The following APP variants were observed in gnomAD, a reference collection of about 807,000 sequenced individuals.
APP encodes amyloid-beta precursor protein.
In APP, 31 loss-of-function variants were observed where a neutral mutation model predicts 101.4. The observed-to-expected ratio is 0.31, with a 90% confidence interval of 0.23 to 0.41. The LOEUF is 0.41. Ranked by LOEUF, APP falls within the 10% of genes least tolerant of loss-of-function variation. APP has a pLI of 1.00. For synonymous variants in APP, 366 were observed against 364.4 expected (o/e 1.00, Z -0.05); for missense variants, 839 against 1,003.7 (o/e 0.84, Z 2.22).
At chr21:26,133,542 T>C (rs972540019) in intron 1 of APP, among the ~76,000 whole-genome samples, 7 of 152,050 alleles carry the variant, frequency 4.6e-5, no homozygotes, top group African/African-American at 1.4e-4. Context: ...TCCCAGCACT[T>C]TGGGAGGCCG....
chr21:25,976,107 GT>G lies in APP; in HGVS notation c.1225-80del, dbSNP rs1432026873. Reference sequence around the variant, plus strand: ...CAGACTTAATAGGATGGATGATTATGTTTTTCCTCTATTTTTGTCATTTTAG... The same window carrying G: ...CAGACTTAATAGGATGGATGATTATGTTTTCCTCTATTTTTGTCATTTTAG... On this transcript the variant is annotated intron_variant, in intron 9 of 17. Coordinates refer to ENST00000346798, the MANE Select transcript of APP (RefSeq NM_000484.4). 5.0e-6 allele frequency: 6 copies of G among 1,209,632 alleles called. No individual in the cohort carries two copies. In the Admixed American group the frequency reaches 1.0e-4, roughly 21 times the overall value. 74.9% of individuals were successfully genotyped at this position (1,209,632 alleles called of 1,614,324 possible).
rs565341413 is a variant in APP at position 25,976,701 on chromosome 21, T to C, written c.1225-673A>G. Among the ~76,000 whole-genome samples the C allele has an allele frequency of 7.9e-5, 12 of 152,342 alleles. No homozygotes were observed. In the East Asian group the frequency reaches 2.1e-3, roughly 27 times the overall value. ...CTGAATGCAGCAAACATGTATTTTT[T>C]TACAAGTAGCACTAATTTAGTAACC... On this transcript the variant is annotated intron_variant, in intron 9 of 17. Coordinates refer to ENST00000346798, the MANE Select transcript of APP (RefSeq NM_000484.4).
intron 3 of APP, among the ~76,000 whole-genome samples, chr21:26,079,267 C>T (rs192821328): frequency 6.6e-6 from 1 of 152,128 alleles, no homozygotes; most frequent in Non-Finnish European, 1.5e-5. Context: ...TCTTTGATTC[C>T]TCATCATAAC....
chr21:25,896,709 G>A (rs1016917384), intron 16 of APP, among the ~76,000 whole-genome samples: 2 of 152,112 alleles, frequency 1.3e-5, no homozygotes, highest in African/African-American at 4.8e-5. Flanking sequence ...TAACATTAGG[G>A]GGGAAAAGTG....
chr21:25,881,905 C>T, intron 17 of APP, 134 bp from the exon 18 acceptor site: 2 of 910,088 alleles, frequency 2.2e-6, no homozygotes, highest in South Asian at 1.4e-5. Flanking sequence ...AATTTTCTCC[C>T]CCACTTTGAC....
intron 1 of APP, among the ~76,000 whole-genome samples, chr21:26,122,888 A>G (rs1292661349): frequency 6.6e-6 from 1 of 152,172 alleles, no homozygotes; most frequent in Non-Finnish European, 1.5e-5. Flanking sequence ...TGAAACAGGA[A>G]TTCGGATATT....
intron 1 of APP, among the ~76,000 whole-genome samples, chr21:26,117,926 T>C (rs1294713316): frequency 6.6e-6 from 1 of 152,238 alleles, no homozygotes; most frequent in East Asian, 1.9e-4. Flanking sequence ...ATTTCACTCC[T>C]GGAAACCTGA....
At position 25,999,873 on chromosome 21, in the gene APP, C is replaced by G. The variant is rs2043212641; in HGVS notation, c.1033+142G>C. ...TTGAACATACTGCGGAGACTCTGAGCAATTAGAGAAGTGGACAGAAATGTG... is the reference window on the plus strand; with the variant it reads ...TTGAACATACTGCGGAGACTCTGAGGAATTAGAGAAGTGGACAGAAATGTG... On this transcript the variant is annotated intron_variant, in intron 7 of 17. Transcript: ENST00000346798. 3 of 952,528 alleles carry G rather than the reference C, an allele frequency of 3.1e-6. No individual in the cohort carries two copies. In the South Asian group the frequency reaches 4.2e-5, roughly 13 times the overall value. The allele number at this position is 952,528 out of a possible 1,614,324, so 59.0% of individuals were successfully genotyped here.
At chr21:26,053,405 G>A (rs1306028306) in intron 3 of APP, 57 bp from the exon 4 acceptor site, 74 of 1,230,766 alleles carry the variant, frequency 6.0e-5, no homozygotes, top group Non-Finnish European at 8.1e-5. Context: ...TGTTCTTACC[G>A]CAGAAGACAT....
chr21:25,921,538 G>C (rs2146355097), intron 13 of APP, among the ~76,000 whole-genome samples: 2 of 148,176 alleles, frequency 1.3e-5, no homozygotes, highest in East Asian at 4.0e-4. Flanking sequence ...AAATGATAAA[G>C]GGGATATCAC....
intron 13 of APP, among the ~76,000 whole-genome samples, chr21:25,917,937 A>G (rs1025777244): frequency 6.6e-6 from 1 of 151,900 alleles, no homozygotes; most frequent in African/African-American, 2.4e-5. Context: ...AAAAAAGCTC[A>G]TCATCACTGG....
chr21:25,891,848 C>T lies in APP; in HGVS notation c.2085G>A (p.Val695=). 1.9e-6 allele frequency: 3 copies of T among 1,613,900 alleles called. No individual in the cohort carries two copies. The highest frequency in any genetic ancestry group is 2.5e-6 in the Non-Finnish European group (3 of 1,179,968). Residue 695 remains valine, a synonymous_variant, in exon 17 of 18, where the codon GTG becomes GTA. Coordinates refer to ENST00000346798, the MANE Select transcript of APP (RefSeq NM_000484.4). The part of the protein sequence containing the change: ...HQKLVFFAED[V]GSNKGAIIGL... ...CAATGATTGCACCTTTGTTTGAACC[C>T]ACATCTTCTGCAAAGAACACCTTGA...
At chr21:26,102,086 T>G (rs1462257091) in intron 2 of APP, among the ~76,000 whole-genome samples, 1 of 69,688 alleles carries the variant, frequency 1.4e-5, no homozygotes, top group African/African-American at 6.3e-5. Flanking sequence ...TATGTGGTTT[T>G]TTTTTTTTTT....
intron 17 of APP, among the ~76,000 whole-genome samples, chr21:25,886,419 A>C (rs1203184396): frequency 6.6e-6 from 1 of 151,430 alleles, no homozygotes; most frequent in African/African-American, 2.4e-5. Context: ...TTTTTAAGAC[A>C]GTCTTGCTCT....
chr21:25,936,537 C>G (rs539331085), intron 13 of APP, among the ~76,000 whole-genome samples: 10 of 152,312 alleles, frequency 6.6e-5, no homozygotes, highest in African/African-American at 2.2e-4. Context: ...GAGCGAAACT[C>G]TGTCTCAACA....
chr21:26,148,248 G>C (rs983561670), intron 1 of APP, among the ~76,000 whole-genome samples: 2 of 152,212 alleles, frequency 1.3e-5, no homozygotes, highest in African/African-American at 4.8e-5. Context: ...ATTTTTCAAA[G>C]CTAGCAGGCA....
At chr21:26,134,089 C>T (rs190174848) in intron 1 of APP, among the ~76,000 whole-genome samples, 1 of 152,172 alleles carries the variant, frequency 6.6e-6, no homozygotes, top group Non-Finnish European at 1.5e-5. Context: ...TGGACTCAAG[C>T]GATCTTCCCA....
intron 3 of APP, among the ~76,000 whole-genome samples, chr21:26,062,232 C>CAA (rs964898769): frequency 1.5e-4 from 13 of 87,984 alleles, no homozygotes; most frequent in African/African-American, 7.6e-4. Flanking sequence ...AACAAACAAA[C>CAA]ACACACACAC....
intron 3 of APP, among the ~76,000 whole-genome samples, chr21:26,076,957 A>G (rs2061508147): frequency 1.3e-5 from 2 of 151,934 alleles, no homozygotes; most frequent in South Asian, 4.2e-4. Flanking sequence ...CAGCTACTCA[A>G]GAGGCTGAGA....
Sources: allele counts gnomAD v4.1 joint callset (sites outside exome capture counted in the v4.1 genomes callset), GRCh38; gene constraint gnomAD v4.1.1; transcripts MANE v1.5; gene names NCBI Gene and HGNC (gene_info 2026-07-23, HGNC 2026-07-21).